CARM1: variants seen among roughly 807,000 people sequenced by gnomAD.
CARM1 encodes the protein histone-arginine methyltransferase CARM1.
Under a neutral mutation model 72.7 loss-of-function variants are expected in CARM1, and 14 were observed. The ratio of observed to expected loss-of-function variants is 0.19; its 90% CI spans 0.13 to 0.30. The LOEUF is 0.30. Among genes scored for constraint, CARM1 ranks in the 10% least tolerant of loss-of-function variants. The pLI is 1.00. For synonymous variants in CARM1, 333 were observed against 345.5 expected (o/e 0.96, Z 0.40); for missense variants, 432 against 833.7 (o/e 0.52, Z 5.93).
intron 1 of CARM1, among the ~76,000 whole-genome samples, chr19:10,894,405 CG>C (rs894338136): frequency 3.3e-5 from 5 of 151,564 alleles, no homozygotes; most frequent in South Asian, 2.1e-4. Flanking sequence ...GAGTTGGCCA[CG>C]GGGGGTCGGG....
Position 10,921,209 on chromosome 19 carries a change from G to A in CARM1, c.1615+82G>A, listed in dbSNP as rs910236052. ...GCCGGGAAGGGCCTGTGGTGACCAG[G>A]GTCGGCCTCTGCTTGGTCCTTTCAC... On this transcript the variant is annotated intron_variant, in intron 14 of 15. Coordinates refer to ENST00000327064, the MANE Select transcript of CARM1 (RefSeq NM_199141.2). The A allele has an allele frequency of 2.5e-5, 37 of 1,493,594 alleles. No homozygotes were observed. In the Admixed American group the frequency reaches 5.4e-4, roughly 22 times the overall value. 92.5% of individuals were successfully genotyped at this position (1,493,594 alleles called of 1,614,324 possible).
At chr19:10,887,120 G>A (rs1037094621) in intron 1 of CARM1, among the ~76,000 whole-genome samples, 2 of 152,214 alleles carry the variant, frequency 1.3e-5, no homozygotes, top group South Asian at 4.1e-4. Context: ...ACCCAGGTTT[G>A]GCCCTGATCC....
intron 1 of CARM1, among the ~76,000 whole-genome samples, chr19:10,884,360 A>C (rs1420158959): frequency 6.6e-6 from 1 of 151,806 alleles, no homozygotes; most frequent in African/African-American, 2.4e-5. Context: ...AAAAAAACAA[A>C]AAGACATAGA....
intron 1 of CARM1, among the ~76,000 whole-genome samples, chr19:10,892,899 A>AT (rs2073997707): frequency 2.0e-5 from 3 of 151,636 alleles, no homozygotes; most frequent in Admixed American, 1.3e-4. Flanking sequence ...TGTCTGGCTA[A>AT]TTTTTTGTAT....
intron 1 of CARM1, among the ~76,000 whole-genome samples, chr19:10,904,039 G>T (rs1024447005): frequency 2.0e-5 from 3 of 152,080 alleles, no homozygotes; most frequent in Non-Finnish European, 4.4e-5. Flanking sequence ...TTTTCGTTTG[G>T]CTCCAGCCCA....
chr19:10,920,747 A>C lies in CARM1; in HGVS notation c.1423A>C (p.Arg475=), dbSNP rs2074235868. 2 of 1,613,900 alleles carry C rather than the reference A, an allele frequency of 1.2e-6. No individual in the cohort carries two copies. The highest frequency in any genetic ancestry group is 2.7e-5 in the African/African-American group (2 of 74,896). The change falls in exon 12 of 16, where the codon AGA becomes CGA. Residue 475 remains arginine (R), a splice_region_variant and synonymous_variant. Coordinates refer to ENST00000327064, the MANE Select transcript of CARM1 (RefSeq NM_199141.2). This position sits in a 1 kb window ranked among gnomAD's most constrained non-coding sequence, Gnocchi z 5.3. ...NLLDLKNPFF[R]YTGTTPSPPP... ...CCTGGATCTGAAAAACCCCTTCTTT[A>C]GGTAGGAGGGGCCCCTTGCCTGCAC...
At chr19:10,878,232 AAAC>A (rs1464627416) in intron 1 of CARM1, among the ~76,000 whole-genome samples, 1 of 152,208 alleles carries the variant, frequency 6.6e-6, no homozygotes, top group Non-Finnish European at 1.5e-5. Flanking sequence ...CCCAATCCAC[AAAC>A]AACAATAATC....
intron 1 of CARM1, among the ~76,000 whole-genome samples, chr19:10,874,137 C>T (rs2073844346): frequency 6.6e-6 from 1 of 152,036 alleles, no homozygotes; most frequent in East Asian, 1.9e-4. Flanking sequence ...TTATTAGAGA[C>T]AAGGTTTCAC....
At chr19:10,899,668 C>G (rs1375283526) in intron 1 of CARM1, among the ~76,000 whole-genome samples, 3 of 151,854 alleles carry the variant, frequency 2.0e-5, no homozygotes, top group Non-Finnish European at 2.9e-5. Flanking sequence ...GGTCTCATAT[C>G]TGTAGGCCCT....
At chr19:10,904,526 G>T (rs182829289) in intron 1 of CARM1, among the ~76,000 whole-genome samples, 1 of 152,240 alleles carries the variant, frequency 6.6e-6, no homozygotes, top group Non-Finnish European at 1.5e-5. Context: ...TGAACAAATG[G>T]CATGGATGGG....
At chr19:10,879,362 C>G (rs2073885525) in intron 1 of CARM1, among the ~76,000 whole-genome samples, 1 of 152,200 alleles carries the variant, frequency 6.6e-6, no homozygotes, top group South Asian at 2.1e-4. Context: ...AGTTTTCAAT[C>G]TGAGCGGCCA....
intron 1 of CARM1, among the ~76,000 whole-genome samples, chr19:10,887,152 G>A (rs2146311908): frequency 6.6e-6 from 1 of 152,362 alleles, no homozygotes; most frequent in Admixed American, 6.5e-5. Context: ...CATCAGCCCT[G>A]CAGCCCCTCC....
chr19:10,892,470 C>T (rs1193776489), intron 1 of CARM1, among the ~76,000 whole-genome samples: 2 of 152,178 alleles, frequency 1.3e-5, no homozygotes, highest in African/African-American at 2.4e-5. Context: ...GGCTGGGCAG[C>T]ACAGTGGAAC....
chr19:10,900,063 C>G (rs1039489824), intron 1 of CARM1, among the ~76,000 whole-genome samples: 1 of 152,108 alleles, frequency 6.6e-6, no homozygotes, highest in African/African-American at 2.4e-5. Context: ...AATCCCAGCA[C>G]TTTGGAGGCC....
intron 1 of CARM1, among the ~76,000 whole-genome samples, chr19:10,892,237 G>A (rs1290663170): frequency 6.6e-6 from 1 of 152,244 alleles, no homozygotes; most frequent in Non-Finnish European, 1.5e-5. Context: ...TGCAAGTAGA[G>A]CTTGTAGCAT....
rs912572036 is a variant in CARM1, at chr19:10,921,870, C to T, written c.*113C>T. The stretch of plus-strand genomic sequence containing the variant: ...GAGAAGCTCGAACACCCGGTCACAG[C>T]TCTCTTTGCTATGGGAACTGGGACA... On this transcript the variant is annotated 3_prime_UTR_variant, in exon 16 of 16. Coordinates refer to ENST00000327064, the MANE Select transcript of CARM1 (RefSeq NM_199141.2). 152 of 1,064,824 alleles carry T rather than the reference C, an allele frequency of 1.4e-4. No homozygotes were observed. Among genetic ancestry groups the T allele is most frequent in the South Asian group, 3.5e-4 (22 of 62,340 alleles). 66.0% of individuals were successfully genotyped at this position (1,064,824 alleles called of 1,614,324 possible).
intron 1 of CARM1, among the ~76,000 whole-genome samples, chr19:10,879,653 C>T (rs12710258): frequency 0.15 from 23,395 of 152,116 alleles, 2,307 homozygotes; most frequent in Non-Finnish European, 0.21. Flanking sequence ...CGCCCTGTCA[C>T]CCAGGCTGGA....
Position 10,920,769 on chromosome 19 carries a change from G to A in CARM1, c.1424+21G>A. 1.2e-6 allele frequency: 2 copies of A among 1,613,712 alleles called. No individual in the cohort carries two copies. Among genetic ancestry groups the A allele is most frequent in the Non-Finnish European group, 1.7e-6 (2 of 1,179,642 alleles). Reference sequence around the variant, plus strand: ...TTTAGGTAGGAGGGGCCCCTTGCCTGCACAGGGGGGCGCCCCGGCCCTGCA... The same window carrying A: ...TTTAGGTAGGAGGGGCCCCTTGCCTACACAGGGGGGCGCCCCGGCCCTGCA... On this transcript the variant is annotated intron_variant, in intron 12 of 15. Transcript: ENST00000327064. The surrounding 1 kb of genome is among the most constrained non-coding windows in gnomAD (Gnocchi z 5.3).
rs1463774300 is a variant in CARM1, at chr19:10,885,893, T to G, written c.220+13971T>G. Among the ~76,000 whole-genome samples, 15 of 139,778 alleles carry G rather than the reference T, an allele frequency of 1.1e-4. No individual in the cohort carries two copies. In the East Asian group the frequency reaches 3.6e-3, roughly 34 times the overall value. 91.7% of individuals were successfully genotyped at this position (139,778 alleles called of 152,430 possible). Reference sequence around the variant, plus strand: ...CAGCCACAGCTCACTCCCTCATTTTTTTTTTTTTTTTTTTTTTTTTTGAGA... The same window carrying G: ...CAGCCACAGCTCACTCCCTCATTTTGTTTTTTTTTTTTTTTTTTTTTGAGA... On this transcript the variant is annotated intron_variant, in intron 1 of 15. Coordinates refer to ENST00000327064, the MANE Select transcript of CARM1 (RefSeq NM_199141.2).
Sources: gnomAD v4.1 joint callset for allele counts (sites outside exome capture counted in the v4.1 genomes callset) on GRCh38, gnomAD v4.1.1 for gene constraint, Gnocchi (gnomAD v3.1) non-coding constraint, MANE v1.5 for transcripts, NCBI Gene and HGNC (gene_info 2026-07-23, HGNC 2026-07-21) for gene names.